Variants in FAM120A observed in about 807,000 individuals in gnomAD.
FAM120A encodes the protein constitutive coactivator of PPAR-gamma-like protein 1.
Under a neutral mutation model 109.7 loss-of-function variants are expected in FAM120A, and 15 were observed. The ratio of observed to expected loss-of-function variants is 0.14; its 90% CI spans 0.09 to 0.21. The LOEUF (loss-of-function observed/expected upper bound fraction) is 0.21. Ranked by LOEUF, FAM120A falls within the 10% of genes least tolerant of loss-of-function variation. FAM120A has a pLI of 1.00. For synonymous variants in FAM120A, 493 were observed against 572.8 expected (o/e 0.86, Z 1.99); for missense variants, 899 against 1,439.3 (o/e 0.62, Z 6.07).
At chr9:93,497,266 A>G (rs911630516) in intron 3 of FAM120A, among the ~76,000 whole-genome samples, 1 of 152,208 alleles carries the variant, frequency 6.6e-6, no homozygotes, top group Non-Finnish European at 1.5e-5. Flanking sequence ...TATTTCATCC[A>G]CTGAAAGGAA....
intron 5 of FAM120A, among the ~76,000 whole-genome samples, chr9:93,504,991 T>C (rs1193458116): frequency 1.3e-5 from 2 of 152,066 alleles, no homozygotes; most frequent in Non-Finnish European, 2.9e-5. Flanking sequence ...AGAATCTTTA[T>C]GTTTATGGGC....
chr9:93,553,687 T>C (rs1314964530), intron 12 of FAM120A, among the ~76,000 whole-genome samples: 1 of 152,208 alleles, frequency 6.6e-6, no homozygotes, highest in African/African-American at 2.4e-5. Flanking sequence ...TGCAGCTATT[T>C]TATAATCAAG....
At chr9:93,537,473 AC>A (rs1861556162) in intron 10 of FAM120A, among the ~76,000 whole-genome samples, 1 of 152,212 alleles carries the variant, frequency 6.6e-6, no homozygotes, top group Non-Finnish European at 1.5e-5. Flanking sequence ...CCCATTTCCT[AC>A]AAAAGTCTTC....
rs1862373678 is a variant in FAM120A, at chr9:93,558,649, G to A, written c.2737G>A (p.Ala913Thr). 4 of 1,614,062 alleles carry A rather than the reference G, an allele frequency of 2.5e-6. No individual in the cohort carries two copies. The highest frequency in any genetic ancestry group is 3.4e-6 in the Non-Finnish European group (4 of 1,180,032). ...ATGPYRAFRV[A>T]AASGHCGAFS... ...AGGCCCTTACCGTGCCTTCCGTGTG[G>A]CGGCAGCATCGGGACACTGCGGAGC... Residue 913 changes from alanine (A) to threonine (T), a missense_variant, in exon 15 of 18, where the codon GCG becomes ACG. Ala to Thr is a moderately conservative substitution (Grantham distance 58, BLOSUM62 0). Transcript: ENST00000277165.
In FAM120A at chr9:93,452,488, G is replaced by C. The variant is rs777708984; in HGVS notation, c.474+99G>C. The C allele has an allele frequency of 4.5e-6, 7 of 1,544,096 alleles. No homozygotes were observed. In the Admixed American group the frequency reaches 1.4e-4, roughly 30 times the overall value. ...ATGTCGCCCGGCCGTGGCGGCGCTG[G>C]GGGCAGCGAGTTCCCCCAGCCCTTG... On this transcript the variant is annotated intron_variant, in intron 1 of 17. Coordinates refer to ENST00000277165, the MANE Select transcript of FAM120A (RefSeq NM_014612.5). This position sits in a 1 kb window ranked among gnomAD's most constrained non-coding sequence, Gnocchi z 7.0.
At chr9:93,561,002 T>C (rs976613094) in intron 15 of FAM120A, 107 bp from the exon 16 acceptor site, 13 of 1,216,944 alleles carry the variant, frequency 1.1e-5, no homozygotes, top group Middle Eastern at 2.8e-4. Flanking sequence ...AGTAGCTTCA[T>C]AGTAAATATA....
At chr9:93,482,890 G>A (rs138069168) in intron 3 of FAM120A, among the ~76,000 whole-genome samples, 4 of 152,290 alleles carry the variant, frequency 2.6e-5, no homozygotes, top group African/African-American at 9.6e-5. Context: ...GCCTGTCTCT[G>A]GACTAGGGCT....
chr9:93,475,394 G>A (rs1022014421), intron 2 of FAM120A, among the ~76,000 whole-genome samples: 2 of 152,082 alleles, frequency 1.3e-5, no homozygotes, highest in South Asian at 2.1e-4. Context: ...ATATTATAAC[G>A]TAGCAATATT....
At chr9:93,460,531 T>C (rs1857746490) in intron 1 of FAM120A, among the ~76,000 whole-genome samples, 1 of 152,166 alleles carries the variant, frequency 6.6e-6, no homozygotes, top group African/African-American at 2.4e-5. Flanking sequence ...GAGACAGGGT[T>C]TCACTATGTT....
At chr9:93,497,270 A>G (rs2131347772) in intron 3 of FAM120A, among the ~76,000 whole-genome samples, 1 of 152,354 alleles carries the variant, frequency 6.6e-6, no homozygotes, top group African/African-American at 2.4e-5. Flanking sequence ...TCATCCACTG[A>G]AAGGAAAATC....
At chr9:93,466,297 T>C (rs1158634603) in intron 1 of FAM120A, among the ~76,000 whole-genome samples, 2 of 152,176 alleles carry the variant, frequency 1.3e-5, no homozygotes, top group Non-Finnish European at 2.9e-5. Context: ...ATTTATATCA[T>C]TATGGGCTCC....
At chr9:93,560,828 T>C (rs1240574750) in intron 15 of FAM120A, among the ~76,000 whole-genome samples, 2 of 152,222 alleles carry the variant, frequency 1.3e-5, no homozygotes, top group African/African-American at 4.8e-5. Context: ...AGGCATGCCA[T>C]ATGCACCTGA....
At chr9:93,530,949 A>G (rs757831278) in intron 9 of FAM120A, 2 of 152,250 alleles carry the variant, frequency 1.3e-5, no homozygotes, top group Non-Finnish European at 2.9e-5. Flanking sequence ...TGCAAATTGT[A>G]CCGACATGCT....
intron 1 of FAM120A, chr9:93,453,244 C>G (rs559498744): frequency 1.0e-6 from 1 of 993,492 alleles, no homozygotes; most frequent in African/African-American, 1.7e-5. Flanking sequence ...GGTGCCCTGA[C>G]GGGTGGGTAA....
chr9:93,502,594 A>G (rs1013248959), intron 5 of FAM120A, among the ~76,000 whole-genome samples: 99 of 151,834 alleles, frequency 6.5e-4, no homozygotes, highest in Admixed American at 2.9e-3. Context: ...ACACACACAC[A>G]CACACGCACA....
intron 7 of FAM120A, among the ~76,000 whole-genome samples, chr9:93,526,907 C>T (rs534786198): frequency 1.2e-4 from 18 of 152,328 alleles, no homozygotes; most frequent in African/African-American, 4.3e-4. Flanking sequence ...AAATCACAGA[C>T]CATCTCTGAA....
intron 5 of FAM120A, among the ~76,000 whole-genome samples, chr9:93,503,452 A>AACT (rs1219937083): frequency 6.6e-6 from 1 of 152,194 alleles, no homozygotes; most frequent in Non-Finnish European, 1.5e-5. Context: ...ACATAAGTAC[A>AACT]TATCACTAAG....
At chr9:93,560,679 T>C (rs7874167) in intron 15 of FAM120A, among the ~76,000 whole-genome samples, 2,237 of 152,358 alleles carry the variant, frequency 0.015, 68 homozygotes, top group African/African-American at 0.05. Context: ...TTATGGAAAT[T>C]CTAATTTAAA....
intron 3 of FAM120A, among the ~76,000 whole-genome samples, chr9:93,493,249 AT>A (rs1419364235): frequency 6.6e-6 from 1 of 152,198 alleles, no homozygotes; most frequent in Non-Finnish European, 1.5e-5. Context: ...GTATTTTGGC[AT>A]TGTGTTCAAA....
Sources: gnomAD v4.1 joint callset for allele counts (sites outside exome capture counted in the v4.1 genomes callset) on GRCh38, gnomAD v4.1.1 for gene constraint, Gnocchi (gnomAD v3.1) non-coding constraint, MANE v1.5 for transcripts, NCBI Gene and HGNC (gene_info 2026-07-23, HGNC 2026-07-21) for gene names.